Variants in DPP6 observed in about 807,000 individuals in gnomAD.
DPP6 encodes dipeptidyl peptidase like 6.
DPP6 carries 69 observed loss-of-function variants against 122.6 expected under a neutral mutation model. That is an observed-to-expected ratio of 0.56 (90% CI 0.46 to 0.69). The LOEUF is 0.69. DPP6 is among the 30% of genes least tolerant of loss of function. The pLI, the probability that DPP6 is intolerant of heterozygous loss-of-function variation, is 0.00. For synonymous variants in DPP6, 418 were observed against 433.1 expected (o/e 0.97, Z 0.43); for missense variants, 928 against 1,116.9 (o/e 0.83, Z 2.41).
chr7:153,952,725 A>G (rs933092635), intron 1 of DPP6, among the ~76,000 whole-genome samples: 1 of 152,220 alleles, frequency 6.6e-6, no homozygotes, highest in Non-Finnish European at 1.5e-5. Flanking sequence ...TTAATAGTTC[A>G]TAAGTCTCAG....
chr7:154,022,336 A>G (rs1316958371), intron 1 of DPP6, among the ~76,000 whole-genome samples: 5 of 152,262 alleles, frequency 3.3e-5, no homozygotes, highest in Non-Finnish European at 7.3e-5. Context: ...GACCCAAGCA[A>G]CAGATAGATG....
chr7:154,477,814 C>A (rs1241714479), intron 3 of DPP6, among the ~76,000 whole-genome samples: 2 of 152,210 alleles, frequency 1.3e-5, no homozygotes, highest in African/African-American at 4.8e-5. Context: ...TGACCACCTG[C>A]AGTTCTAAAT....
At chr7:153,757,811 G>T in the DPP6 span, among the ~76,000 whole-genome samples, 6 of 152,128 alleles carry the variant, frequency 3.9e-5, no homozygotes, top group Admixed American at 6.5e-5. Flanking sequence ...ACAAAAATTA[G>T]CCAGGCACGG....
intron 1 of DPP6, chr7:154,059,508 CGGAGCTTAAG>C (rs1801366524): frequency 6.8e-6 from 1 of 147,980 alleles, no homozygotes; most frequent in Non-Finnish European, 1.5e-5. Context: ...TGCAATCTAC[CGGAGCTTAAG>C]GGCAGAAGGC....
intron 17 of DPP6, among the ~76,000 whole-genome samples, chr7:154,864,363 G>T (rs576987392): frequency 1.3e-5 from 2 of 152,302 alleles, no homozygotes; most frequent in Non-Finnish European, 2.9e-5. Flanking sequence ...ACCTGCCCAT[G>T]GGACGCAGCG....
At chr7:154,849,540 T>C (rs1802209993) in intron 16 of DPP6, among the ~76,000 whole-genome samples, 1 of 152,248 alleles carries the variant, frequency 6.6e-6, no homozygotes, top group Non-Finnish European at 1.5e-5. Context: ...CTTTACTGAA[T>C]TTGTCCATCA....
chr7:154,498,058 T>C (rs377321735), intron 3 of DPP6, among the ~76,000 whole-genome samples: 8 of 152,164 alleles, frequency 5.3e-5, no homozygotes, highest in South Asian at 2.1e-4. Flanking sequence ...TGGGAGAGAA[T>C]AATATCAGAG....
At chr7:154,106,783 A>T (rs1806192534) in intron 1 of DPP6, among the ~76,000 whole-genome samples, 2 of 152,018 alleles carry the variant, frequency 1.3e-5, no homozygotes, top group African/African-American at 4.8e-5. Flanking sequence ...GCTGGAGGAA[A>T]AGTTGAGACC....
chr7:153,971,600 A>G (rs1463461678), intron 1 of DPP6, among the ~76,000 whole-genome samples: 1 of 132,924 alleles, frequency 7.5e-6, no homozygotes, highest in Non-Finnish European at 1.7e-5. Flanking sequence ...TTGGCAGGTT[A>G]TGAGAGTTCC....
rs1187304901 is a variant in DPP6, at chr7:153,983,417, A to G, written c.51+95683A>G. Among the ~76,000 whole-genome samples the G allele has an allele frequency of 2.6e-5, 4 of 152,214 alleles. No individual in the cohort carries two copies. In the South Asian group the frequency reaches 6.2e-4, roughly 24 times the overall value. On this transcript the variant is annotated intron_variant, in intron 1 of 25. Transcript: ENST00000404039. ...TCCCCTGACCAAGCTTGAGCATCCC[A>G]GGTCAACTTCAGACGGCTGTGCTGG...
chr7:154,830,264 A>G (rs1161799135), intron 16 of DPP6, among the ~76,000 whole-genome samples: 1 of 151,922 alleles, frequency 6.6e-6, no homozygotes, highest in East Asian at 1.9e-4. Flanking sequence ...TCCTCTGTCT[A>G]TCGATTGCTC....
intron 1 of DPP6, among the ~76,000 whole-genome samples, chr7:154,300,264 C>T (rs918901409): frequency 2.0e-5 from 3 of 152,216 alleles, no homozygotes; most frequent in Admixed American, 1.3e-4. Context: ...CTTGGCTGAG[C>T]ATCAGGCTCT....
intron 3 of DPP6, among the ~76,000 whole-genome samples, chr7:154,501,823 C>T (rs1429715350): frequency 6.6e-6 from 1 of 152,138 alleles, no homozygotes; most frequent in African/African-American, 2.4e-5. Context: ...CCACTGTTCT[C>T]CAGACCCCAG....
the DPP6 span, among the ~76,000 whole-genome samples, chr7:153,791,970 C>A: frequency 1.8e-4 from 28 of 152,268 alleles, no homozygotes; most frequent in South Asian, 1.7e-3. Flanking sequence ...TCTGGGTTTG[C>A]CCATGTGCTC....
intron 1 of DPP6, among the ~76,000 whole-genome samples, chr7:153,929,625 A>G (rs1362145448): frequency 6.6e-6 from 1 of 152,056 alleles, no homozygotes; most frequent in Non-Finnish European, 1.5e-5. Context: ...TTGATAGCAT[A>G]TTTGCAAATG....
intron 16 of DPP6, among the ~76,000 whole-genome samples, chr7:154,841,931 A>G (rs904817951): frequency 2.6e-5 from 4 of 152,162 alleles, no homozygotes; most frequent in African/African-American, 9.7e-5. Context: ...CAAGGTTTCC[A>G]AATCAAACGG....
At chr7:154,208,116 C>A (rs75125173) in intron 1 of DPP6, among the ~76,000 whole-genome samples, 7,146 of 152,190 alleles carry the variant, frequency 0.047, 556 homozygotes, top group African/African-American at 0.16. Flanking sequence ...AAATAAACAA[C>A]CTCTATAAGT....
At chr7:154,340,740 C>T (rs141822499) in intron 1 of DPP6, among the ~76,000 whole-genome samples, 1 of 152,232 alleles carries the variant, frequency 6.6e-6, no homozygotes, top group Non-Finnish European at 1.5e-5. Flanking sequence ...GCTTTACATA[C>T]GTTATTGCAA....
At chr7:154,799,297 A>G (rs1474393293) in intron 12 of DPP6, among the ~76,000 whole-genome samples, 1 of 152,166 alleles carries the variant, frequency 6.6e-6, no homozygotes, top group Non-Finnish European at 1.5e-5. Flanking sequence ...TGAGCCAAAC[A>G]GAAGAGGAAA....
Sources: gnomAD v4.1 joint callset for allele counts (sites outside exome capture counted in the v4.1 genomes callset) on GRCh38, gnomAD v4.1.1 for gene constraint, MANE v1.5 for transcripts, NCBI Gene and HGNC (gene_info 2026-07-23, HGNC 2026-07-21) for gene names.